CES2: variants seen among roughly 807,000 people sequenced by gnomAD.
The protein encoded by CES2 is cocaine esterase.
Under a neutral mutation model 52.1 loss-of-function variants are expected in CES2, and 42 were observed. The observed-to-expected ratio is 0.81, with a 90% confidence interval of 0.63 to 1.04. CES2 has a LOEUF of 1.04. Among genes scored for constraint, CES2 ranks in the 50% least tolerant of loss-of-function variants. The pLI, the probability that CES2 is intolerant of heterozygous loss-of-function variation, is 0.00. For missense variants in CES2, 656 were observed against 724.3 expected, an observed-to-expected ratio of 0.91 and a Z score of 1.08; for synonymous variants, 277 against 289.6, an observed-to-expected ratio of 0.96 and a Z score of 0.44.
chr16:66,942,583 C>A, intron 9 of CES2, 65 bp from the exon 10 acceptor site: 1 of 1,587,544 alleles, frequency 6.3e-7, no homozygotes, highest in Non-Finnish European at 8.6e-7. Context: ...TATCTTATCA[C>A]CATGGGTGAG....
intron 1 of CES2, among the ~76,000 whole-genome samples, 191 bp from the exon 2 acceptor site, chr16:66,937,846 G>A (rs1377438719): frequency 6.6e-6 from 1 of 152,200 alleles, no homozygotes; most frequent in Non-Finnish European, 1.5e-5. Context: ...CCTCAGCCTG[G>A]TGGGATGGAG....
rs940467664 is a variant in CES2, at chr16:66,944,431, T to C, written c.*406T>C. On this transcript the variant is annotated 3_prime_UTR_variant, in exon 12 of 12. Transcript: ENST00000317091. ...AAGAAAACAAAATATAAGGGAAAAA[T>C]ATGAGAAAAATAAAAATAAAAAGAG... is the stretch of plus-strand genomic sequence containing the variant. The C allele has an allele frequency of 1.3e-5, 2 of 150,456 alleles. No individual in the cohort carries two copies. Among genetic ancestry groups the C allele is most frequent in the African/African-American group, 5.0e-5 (2 of 40,088 alleles). The allele number at this position is 150,456 out of a possible 1,614,324, so 9.3% of individuals were successfully genotyped here. A position where few individuals can be genotyped will look rare whatever the true frequency, so the allele number is the denominator to read the frequency against.
chr16:66,940,229 T>G lies in CES2; in HGVS notation c.431T>G (p.Val144Gly). ...CTGCCTTGATTTCCCCAGGTGATGG[T>G]GTGGATCCACGGTGGTGCGCTTGTT... ...SHEGSNLPVM[V>G]WIHGGALVFG... Residue 144 changes from valine to glycine, a missense_variant, in exon 4 of 12, where the codon GTG (valine) becomes GGG (glycine). Val to Gly is a moderately radical substitution (Grantham distance 109, BLOSUM62 -3). Coordinates refer to ENST00000317091, the MANE Select transcript of CES2 (RefSeq NM_001365405.1). 6 of 1,613,936 alleles carry G rather than the reference T, an allele frequency of 3.7e-6. No homozygotes were observed. Among genetic ancestry groups the G allele is most frequent in the Non-Finnish European group, 5.1e-6 (6 of 1,179,938 alleles).
chr16:66,940,312 G>A lies in CES2; in HGVS notation c.514G>A (p.Val172Met), dbSNP rs1351305604. The change falls in exon 4 of 12, where the codon GTG (valine) becomes ATG (methionine). Residue 172 changes from valine to methionine, a missense_variant. Physicochemically the swap from Val to Met is conservative, Grantham distance 21. Transcript: ENST00000317091. ...GCTGGCTGCCTTGGAGAACGTGGTG[G>A]TGGTCATCATCCAGTACCGCCTGGG... ...SMLAALENVV[V>M]VIIQYRLGVL... The A allele has an allele frequency of 6.2e-7, 1 of 1,614,034 alleles. No individual in the cohort carries two copies. The highest frequency in any genetic ancestry group is 1.3e-5 in the African/African-American group (1 of 74,896).
Position 66,941,416 on chromosome 16 carries a change from G to C in CES2, c.916-90G>C. 8 of 1,555,132 alleles carry C rather than the reference G, an allele frequency of 5.1e-6. No individual in the cohort carries two copies. In the South Asian group the frequency reaches 9.7e-5, roughly 19 times the overall value. ...CCTGGGGTGGGTATGAGCATCCAGGGATAAACTGGGAAGGAGTGGAAGGTA... is the reference window on the plus strand; with the variant it reads ...CCTGGGGTGGGTATGAGCATCCAGGCATAAACTGGGAAGGAGTGGAAGGTA... On this transcript the variant is annotated intron_variant, in intron 6 of 11. Transcript: ENST00000317091.
rs1448292537 is a variant in CES2 at position 66,939,534 on chromosome 16, G to T, written c.423+176G>T. Among the ~76,000 whole-genome samples the T allele has an allele frequency of 5.9e-5, 9 of 152,236 alleles. No individual in the cohort carries two copies. In the East Asian group the frequency reaches 1.7e-3, roughly 29 times the overall value. The stretch of plus-strand genomic sequence containing the variant: ...TGGGCAGCTGGCCCCTGGACATGGG[G>T]TCACAGAGTTCTGGCTGCTCCCAGA... On this transcript the variant is annotated intron_variant, in intron 3 of 11. Transcript: ENST00000317091.
chr16:66,941,383 A>T, intron 6 of CES2, 123 bp from the exon 7 acceptor site: 1 of 1,521,372 alleles, frequency 6.6e-7, no homozygotes, highest in Non-Finnish European at 8.9e-7. Flanking sequence ...TGAGCCAAAC[A>T]GTAATCTCCT....
rs775479739 is a variant in CES2, at chr16:66,938,185, C to G, written c.225C>G (p.Pro75=). ...KPPLGPLRFA[P]PEPPESWSGV... ...CTCTAGGTCCGCTGCGATTTGCACC[C>G]CCTGAGCCCCCTGAATCTTGGAGTG... Residue 75 remains proline, a synonymous_variant, in exon 2 of 12, where the codon CCC becomes CCG. Coordinates refer to ENST00000317091, the MANE Select transcript of CES2 (RefSeq NM_001365405.1). 1 of 1,614,168 alleles carries G rather than the reference C, an allele frequency of 6.2e-7. No individual in the cohort carries two copies. Among genetic ancestry groups the G allele is most frequent in the Admixed American group, 1.7e-5 (1 of 60,020 alleles).
Position 66,941,211 on chromosome 16 carries a change from G to A in CES2, c.904G>A (p.Ala302Thr), listed in dbSNP as rs758702106. 2 of 1,614,124 alleles carry A rather than the reference G, an allele frequency of 1.2e-6. No individual in the cohort carries two copies. The highest frequency in any genetic ancestry group is 2.2e-5 in the East Asian group (1 of 44,872). Reference sequence around the variant, plus strand: ...GGGCAAGAGTAAAGAGGAGATTCTTGCAATTAACAAGGTTGGTCTAAATGG... The same window carrying A: ...GGGCAAGAGTAAAGAGGAGATTCTTACAATTAACAAGGTTGGTCTAAATGG... The part of the protein sequence containing the change: ...LRGKSKEEIL[A>T]INKPFKMIPG... Residue 302 changes from alanine to threonine, a missense_variant, in exon 6 of 12, where the codon GCA becomes ACA. Transcript: ENST00000317091.
Position 66,941,805 on chromosome 16 carries a change from G to A in CES2, c.1094G>A (p.Arg365Lys). 6.2e-7 allele frequency: 1 copy of A among 1,614,164 alleles called. No individual in the cohort carries two copies. ...RIYDTQKEMD[R>K]EASQAALQKM... is the part of the protein sequence containing the mutation. ...TATGATACCCAGAAGGAAATGGACA[G>A]AGAGGCCTCCCAGGCTGCTCTGCAG... The change falls in exon 8 of 12, where the codon AGA (arginine) becomes AAA (lysine). Residue 365 changes from arginine to lysine, a missense_variant. By Grantham distance (26) the Arg-to-Lys change is conservative. Transcript: ENST00000317091.
In CES2 at chr16:66,936,141, GC is replaced by G. The variant is rs1184970284; in HGVS notation, c.76+433del. Among the ~76,000 whole-genome samples, 13 of 152,248 alleles carry G rather than the reference GC, an allele frequency of 8.5e-5. No homozygotes were observed. The East Asian group carries it at 2.3e-3, about 27-fold the overall frequency. Reference sequence around the variant, plus strand: ...TGTGGCGTCCTTGGCCAGGGGGGATGCCCTGAGCCCTCCAAAGGGGCCTCAG... The same window carrying G: ...TGTGGCGTCCTTGGCCAGGGGGGATGCCTGAGCCCTCCAAAGGGGCCTCAG... On this transcript the variant is annotated intron_variant, in intron 1 of 11. Transcript: ENST00000317091.
chr16:66,935,403 G>A, upstream of CES2: 1 of 1,540,682 alleles, frequency 6.5e-7, no homozygotes, highest in South Asian at 1.2e-5. Flanking sequence ...AAGGAAAGTG[G>A]CCGTGCCCGG....
In CES2 at chr16:66,943,826, G is replaced by A. The variant is rs1963420475; in HGVS notation, c.1494-13G>A. ...GACCCTCATACTGCCCTGCTGGGAT[G>A]GCATGTCTACAGGAACCCCAATGGC... On this transcript the variant is annotated splice_polypyrimidine_tract_variant and intron_variant, in intron 11 of 11. Transcript: ENST00000317091. This position sits in a 1 kb window ranked among gnomAD's most constrained non-coding sequence, Gnocchi z 4.2. The A allele has an allele frequency of 6.3e-7, 1 of 1,578,434 alleles. No individual in the cohort carries two copies. The highest frequency in any genetic ancestry group is 1.3e-5 in the African/African-American group (1 of 74,234).
chr16:66,939,789 C>T (rs1285519093), intron 3 of CES2, among the ~76,000 whole-genome samples: 17 of 152,250 alleles, frequency 1.1e-4, no homozygotes, highest in Non-Finnish European at 5.9e-5. Flanking sequence ...CTCTCTGTAA[C>T]CTCGAAATCC....
chr16:66,942,210 A>G lies in CES2; in HGVS notation c.1243A>G (p.Met415Val), dbSNP rs767377418. The stretch of plus-strand genomic sequence containing the variant: ...GTTCCAGGAGATGATGGCGGACTCC[A>G]TGTTTGTGATCCCTGCACTCCAAGT... ...AQFQEMMADS[M>V]FVIPALQVAH... Residue 415 changes from methionine (M) to valine (V), a missense_variant, in exon 9 of 12, where the codon ATG (methionine) becomes GTG (valine). Transcript: ENST00000317091. The G allele has an allele frequency of 1.3e-4, 208 of 1,613,614 alleles. No homozygotes were observed. Among genetic ancestry groups the G allele is most frequent in the Non-Finnish European group, 1.6e-4 (194 of 1,179,776 alleles).
Position 66,944,732 on chromosome 16 carries a change from AAGAGCG to A in CES2, c.*711_*716del, listed in dbSNP as rs1404515524. ...GCCACTGTACTCCAGCCTGGGCAAC[AAGAGCG>A]AGACTCCGTTTCCAAAAAAATAAGA... On this transcript the variant is annotated 3_prime_UTR_variant, in exon 12 of 12. Coordinates refer to ENST00000317091, the MANE Select transcript of CES2 (RefSeq NM_001365405.1). The A allele has an allele frequency of 1.3e-5, 2 of 152,246 alleles. No individual in the cohort carries two copies. The highest frequency in any genetic ancestry group is 1.5e-5 in the Non-Finnish European group (1 of 68,052). 9.4% of individuals were successfully genotyped at this position (152,246 alleles called of 1,614,324 possible).
intron 6 of CES2, 77 bp downstream of exon 6, chr16:66,941,299 T>G: frequency 6.4e-7 from 1 of 1,571,234 alleles, no homozygotes; most frequent in Non-Finnish European, 8.6e-7. Context: ...GGCCGTCATA[T>G]TCCCTGGGCA....
intron 2 of CES2, 81 bp downstream of exon 2, chr16:66,938,322 A>T (rs529330765): frequency 7.2e-6 from 7 of 976,226 alleles, no homozygotes; most frequent in East Asian, 2.5e-5. Flanking sequence ...GGCTGCAGTT[A>T]TCATTTCATC....
intron 1 of CES2, among the ~76,000 whole-genome samples, chr16:66,936,473 C>T (rs1335988183): frequency 6.6e-6 from 1 of 151,938 alleles, no homozygotes; most frequent in East Asian, 1.9e-4. Context: ...TGCAGTGAGC[C>T]TTCATCCCAC....
Sources: gnomAD v4.1 joint callset for allele counts (sites outside exome capture counted in the v4.1 genomes callset) on GRCh38, gnomAD v4.1.1 for gene constraint, Gnocchi (gnomAD v3.1) non-coding constraint, MANE v1.5 for transcripts, NCBI Gene and HGNC (gene_info 2026-07-23, HGNC 2026-07-21) for gene names.